The following TTLL7 variants were observed in gnomAD, a reference collection of about 807,000 sequenced individuals.
TTLL7 encodes tubulin tyrosine ligase like 7, also known as tubulin polyglutamylase TTLL7.
A neutral mutation model predicts 120.2 loss-of-function variants in TTLL7; 53 were observed. That is an observed-to-expected ratio of 0.44 (90% CI 0.35 to 0.55). TTLL7 has a LOEUF of 0.55. Ranked by LOEUF, TTLL7 falls within the 20% of genes least tolerant of loss-of-function variation. The probability of loss-of-function intolerance (pLI) is 0.00; values close to 1 mark genes in which losing one functional copy is unlikely to be tolerated. For missense variants in TTLL7, 803 were observed against 1,054.7 expected, an observed-to-expected ratio of 0.76 and a Z score of 3.31; for synonymous variants, 353 against 351.7, an observed-to-expected ratio of 1.00 and a Z score of -0.04.
chr1:83,933,494 G>A, intron 9 of TTLL7, 114 bp downstream of exon 9: 1 of 1,075,714 alleles, frequency 9.3e-7, no homozygotes, highest in African/African-American at 1.6e-5. Context: ...ATTCCATTCA[G>A]CCTTCATTCT....
intron 18 of TTLL7, among the ~76,000 whole-genome samples, chr1:83,891,765 A>C (rs1655493136): frequency 6.6e-6 from 1 of 152,054 alleles, no homozygotes. Context: ...TATAACACAC[A>C]AGATAGAACA....
chr1:83,881,313 A>C lies in TTLL7; in HGVS notation c.2543+1650T>G, dbSNP rs1337096966. The stretch of plus-strand genomic sequence containing the variant: ...ATCAGAGTGAACAGGCAACCTACAA[A>C]ATGGGAGAAAATTTTCGCAACCTAC... On this transcript the variant is annotated intron_variant, in intron 20 of 20. Coordinates refer to ENST00000260505, the MANE Select transcript of TTLL7 (RefSeq NM_024686.6). 5.3e-5 allele frequency among the ~76,000 whole-genome samples: 8 copies of C among 150,606 alleles called. No individual in the cohort carries two copies. In the East Asian group the frequency reaches 9.7e-4, roughly 18 times the overall value.
chr1:83,919,968 T>A, intron 12 of TTLL7, 134 bp from the exon 13 acceptor site: 2 of 653,988 alleles, frequency 3.1e-6, no homozygotes, highest in Non-Finnish European at 4.9e-6. Flanking sequence ...ATTTCTATAC[T>A]GATTAGTGCA....
intron 8 of TTLL7, among the ~76,000 whole-genome samples, chr1:83,936,015 T>C (rs1477672166): frequency 1.3e-5 from 2 of 152,204 alleles, no homozygotes; most frequent in African/African-American, 4.8e-5. Flanking sequence ...TAGCCAAGAA[T>C]GATGCAAAAT....
chr1:83,995,280 T>C (rs1235732213), intron 1 of TTLL7, among the ~76,000 whole-genome samples: 1 of 152,012 alleles, frequency 6.6e-6, no homozygotes, highest in Non-Finnish European at 1.5e-5. Context: ...TATGGGTCCC[T>C]ATCCAAATCT....
chr1:83,897,343 T>G (rs79519369), intron 18 of TTLL7, among the ~76,000 whole-genome samples: 3,660 of 152,164 alleles, frequency 0.024, 74 homozygotes, highest in African/African-American at 0.053. Flanking sequence ...TAAATATCTG[T>G]TGAATGCATG....
chr1:83,890,422 A>G lies in TTLL7; in HGVS notation c.2268T>C (p.Pro756=), dbSNP rs1344519086. The G allele has an allele frequency of 1.2e-6, 2 of 1,613,318 alleles. No homozygotes were observed. Among genetic ancestry groups the G allele is most frequent in the East Asian group, 2.2e-5 (1 of 44,834 alleles). The change falls in exon 19 of 21, where the codon CCT becomes CCC. Residue 756 remains proline (P), a synonymous_variant. Transcript: ENST00000260505. ...RTVLPRIWKV[P]DVEEVNLYRI... is the part of the protein sequence containing the mutation. ...GATATAAATTTACTTCTTCAACATCAGGCACCTTCCAGATGCGTGGAAGAA... is the reference window on the plus strand; with the variant it reads ...GATATAAATTTACTTCTTCAACATCGGGCACCTTCCAGATGCGTGGAAGAA...
Position 83,911,091 on chromosome 1 carries a change from A to G in TTLL7, c.1786+74T>C, listed in dbSNP as rs1657636912. 4 of 1,283,508 alleles carry G rather than the reference A, an allele frequency of 3.1e-6. No homozygotes were observed. In the Admixed American group the frequency reaches 7.5e-5, roughly 24 times the overall value. 79.5% of individuals were successfully genotyped at this position (1,283,508 alleles called of 1,614,324 possible). A position where few individuals can be genotyped will look rare whatever the true frequency, so the allele number is the denominator to read the frequency against. ...ACAACAGGGTTCATTTGGCCCAAGGACCTTTTACTGAGTTTAATAATTTCA... is the reference window on the plus strand; with the variant it reads ...ACAACAGGGTTCATTTGGCCCAAGGGCCTTTTACTGAGTTTAATAATTTCA... On this transcript the variant is annotated intron_variant, in intron 15 of 20. Transcript: ENST00000260505.
chr1:83,990,538 T>G (rs1295527105), intron 1 of TTLL7, among the ~76,000 whole-genome samples: 1 of 152,210 alleles, frequency 6.6e-6, no homozygotes, highest in Non-Finnish European at 1.5e-5. Flanking sequence ...TAACCCTATT[T>G]AAAAATGGGC....
intron 1 of TTLL7, among the ~76,000 whole-genome samples, chr1:83,957,812 G>A (rs1649660085): frequency 6.6e-6 from 1 of 152,228 alleles, no homozygotes; most frequent in African/African-American, 2.4e-5. Context: ...TGAGAAGGCA[G>A]TCCTCTGAAA....
rs1218124855 is a variant in TTLL7 at position 83,947,127 on chromosome 1, T to C, written c.503A>G (p.His168Arg). 1 of 1,605,074 alleles carries C rather than the reference T, an allele frequency of 6.2e-7. No homozygotes were observed. The stretch of plus-strand genomic sequence containing the variant: ...TTCCAAATAAAAGCAAACCTACCCA[T>C]GACCCATTGCACCATTAGCTGGTTT... ...IVKPANGAMG[H>R]GISLIRNGDK... Residue 168 changes from histidine (H) to arginine (R), a missense_variant, in exon 6 of 21, where the codon CAT (histidine) becomes CGT (arginine). By Grantham distance (29) the His-to-Arg change is conservative (BLOSUM62 0). This residue lies in a region of TTLL7 where 324 missense variants were observed against 507.7 expected (regional missense o/e 0.64). Coordinates refer to ENST00000260505, the MANE Select transcript of TTLL7 (RefSeq NM_024686.6).
intron 19 of TTLL7, chr1:83,889,843 C>T: frequency 8.9e-6 from 4 of 450,492 alleles, no homozygotes; most frequent in South Asian, 6.3e-5. Context: ...ATGCAGATGC[C>T]CCTGTGATAT....
chr1:83,889,874 A>G, intron 19 of TTLL7: 1 of 456,180 alleles, frequency 2.2e-6, no homozygotes, highest in Non-Finnish European at 4.4e-6. Flanking sequence ...TGACTGAGAG[A>G]ATAATAATAG....
At chr1:83,876,296 T>G (rs1230977992) in intron 20 of TTLL7, among the ~76,000 whole-genome samples, 1 of 151,684 alleles carries the variant, frequency 6.6e-6, no homozygotes, top group African/African-American at 2.4e-5. Flanking sequence ...CTATCCTTTT[T>G]GCCAATATTA....
In TTLL7 at chr1:83,933,730, G is replaced by A; in HGVS notation, c.925C>T (p.His309Tyr). ...CACATTCGATAGGCATGCAGGACATGAGGTTCTGCTACAATCAGGGTCTTT... is the reference window on the plus strand; with the variant it reads ...CACATTCGATAGGCATGCAGGACATAAGGTTCTGCTACAATCAGGGTCTTT... The part of the protein sequence containing the change: ...VVKTLIVAEP[H>Y]VLHAYRMCRP... The change falls in exon 9 of 21, where the codon CAT (histidine) becomes TAT (tyrosine). Residue 309 changes from histidine to tyrosine, a missense_variant. Physicochemically the swap from His to Tyr is moderately conservative, Grantham distance 83. Coordinates refer to ENST00000260505, the MANE Select transcript of TTLL7 (RefSeq NM_024686.6). The A allele has an allele frequency of 6.2e-7, 1 of 1,612,962 alleles. No individual in the cohort carries two copies. The highest frequency in any genetic ancestry group is 8.5e-7 in the Non-Finnish European group (1 of 1,179,400).
intron 9 of TTLL7, among the ~76,000 whole-genome samples, chr1:83,931,907 C>T (rs1360312576): frequency 6.6e-6 from 1 of 152,122 alleles, no homozygotes; most frequent in Non-Finnish European, 1.5e-5. Context: ...ACCAAAATAT[C>T]AGCAGGGAGC....
rs1457547380 is a variant in TTLL7, at chr1:83,866,339, AAAG to A, written c.*3620_*3622del. 1.3e-5 allele frequency: 2 copies of A among 151,878 alleles called. No individual in the cohort carries two copies. Among genetic ancestry groups the A allele is most frequent in the Admixed American group, 6.6e-5 (1 of 15,232 alleles). 9.4% of individuals were successfully genotyped at this position (151,878 alleles called of 1,614,324 possible). A position where few individuals can be genotyped will look rare whatever the true frequency, so the allele number is the denominator to read the frequency against. On this transcript the variant is annotated 3_prime_UTR_variant, in exon 21 of 21. Transcript: ENST00000260505. Reference sequence around the variant, plus strand: ...TTAACTATTAGTACTTTGACATGCTAAAGAAGAACGTATTTGGATTATTAAAAC... The same window carrying A: ...TTAACTATTAGTACTTTGACATGCTAAAGAACGTATTTGGATTATTAAAAC...
At chr1:83,976,435 C>T (rs923651245) in intron 1 of TTLL7, among the ~76,000 whole-genome samples, 3 of 151,974 alleles carry the variant, frequency 2.0e-5, no homozygotes, top group African/African-American at 7.2e-5. Flanking sequence ...CTGAGCAAAA[C>T]AAACAAAACA....
At chr1:83,976,226 T>C (rs1290331185) in intron 1 of TTLL7, among the ~76,000 whole-genome samples, 1 of 152,084 alleles carries the variant, frequency 6.6e-6, no homozygotes, top group Non-Finnish European at 1.5e-5. Flanking sequence ...TACATATACT[T>C]ACTTGTGTTT....
Sources: gnomAD v4.1 joint callset for allele counts (sites outside exome capture counted in the v4.1 genomes callset) on GRCh38, gnomAD v4.1.1 for gene constraint, gnomAD v4.1.1 regional missense constraint, MANE v1.5 for transcripts, NCBI Gene and HGNC (gene_info 2026-07-23, HGNC 2026-07-21) for gene names.